The following STON2 variants were observed in gnomAD, a reference collection of about 807,000 sequenced individuals.
STON2 encodes stonin-2.
Under a neutral mutation model 65.7 loss-of-function variants are expected in STON2, and 29 were observed. The ratio of observed to expected loss-of-function variants is 0.44; its 90% CI spans 0.33 to 0.60. STON2 has a LOEUF of 0.60. Among genes scored for constraint, STON2 ranks in the 20% least tolerant of loss-of-function variants. The probability of loss-of-function intolerance (pLI) is 0.03; values close to 1 mark genes in which losing one functional copy is unlikely to be tolerated. For synonymous variants in STON2, 404 were observed against 414.2 expected (o/e 0.98, Z 0.30); for missense variants, 1,054 against 1,118.1 (o/e 0.94, Z 0.82).
At chr14:81,271,664 C>T (rs1376011064) in intron 6 of STON2, among the ~76,000 whole-genome samples, 1 of 152,178 alleles carries the variant, frequency 6.6e-6, no homozygotes, top group Non-Finnish European at 1.5e-5. Flanking sequence ...CCACTATACT[C>T]GTGATGGCAA....
intron 2 of STON2, among the ~76,000 whole-genome samples, chr14:81,407,276 C>A (rs1219263880): frequency 6.6e-6 from 1 of 152,146 alleles, no homozygotes; most frequent in South Asian, 2.1e-4. Context: ...CATCTAAATA[C>A]AGGTCATTTC....
intron 3 of STON2, among the ~76,000 whole-genome samples, chr14:81,390,193 CAAA>C (rs759154677): frequency 6.8e-5 from 6 of 88,322 alleles, no homozygotes; most frequent in Middle Eastern, 5.4e-3. Flanking sequence ...GACTCCATTT[CAAA>C]AAAAAAAAAA....
intron 5 of STON2, among the ~76,000 whole-genome samples, chr14:81,293,934 T>G (rs1895661320): frequency 6.6e-6 from 1 of 152,190 alleles, no homozygotes; most frequent in Admixed American, 6.5e-5. Flanking sequence ...TACTAAATTT[T>G]GAGGTGGTTG....
chr14:81,271,108 A>T (rs879383687), intron 6 of STON2, among the ~76,000 whole-genome samples: 37 of 152,110 alleles, frequency 2.4e-4, no homozygotes, highest in Non-Finnish European at 2.9e-5. Flanking sequence ...CTAGCAATAA[A>T]ACCCAAGGCC....
rs59359589 is a variant in STON2, at chr14:81,263,537, CA to C, written c.*4876del. The C allele has an allele frequency of 6.1e-3, 497 of 81,032 alleles. 1 individual carries two copies. Among genetic ancestry groups the C allele is most frequent in the Middle Eastern group, 0.018 (2 of 114 alleles). The allele number at this position is 81,032 out of a possible 1,614,324, so 5.0% of individuals were successfully genotyped here. On this transcript the variant is annotated 3_prime_UTR_variant, in exon 8 of 8. Coordinates refer to ENST00000614646, the MANE Select transcript of STON2 (RefSeq NM_001394390.1). Reference sequence around the variant, plus strand: ...TGGGTGACAGACTGAGACTCCGTCTCAAAAAAAAAAAAAAAAAAAAAAACAA... The same window carrying C: ...TGGGTGACAGACTGAGACTCCGTCTCAAAAAAAAAAAAAAAAAAAAAACAA...
intron 2 of STON2, among the ~76,000 whole-genome samples, chr14:81,396,797 G>A (rs895104296): frequency 6.6e-6 from 1 of 152,140 alleles, no homozygotes. Context: ...AGTGGCTCAT[G>A]CCTATAATCC....
At chr14:81,400,981 C>T (rs984892422), upstream of STON2, among the ~76,000 whole-genome samples, 4 of 152,206 alleles carry the variant, frequency 2.6e-5, no homozygotes, top group Non-Finnish European at 4.4e-5. Flanking sequence ...CAGCAGGTGA[C>T]CTTACAGAGG....
In STON2 at chr14:81,278,505, G is replaced by A; in HGVS notation, c.977C>T (p.Ser326Leu). Residue 326 changes from serine (S) to leucine (L), a missense_variant, in exon 6 of 8, where the codon TCA becomes TTA. By Grantham distance (145) the Ser-to-Leu change is moderately radical. Coordinates refer to ENST00000614646, the MANE Select transcript of STON2 (RefSeq NM_001394390.1). ...ASVIPDVPYN[S>L]MGSFKKRDRP... Reference sequence around the variant, plus strand: ...GTCCCTCTTCTTAAATGATCCCATTGAATTATAAGGTACATCTGGGATCAC... The same window carrying A: ...GTCCCTCTTCTTAAATGATCCCATTAAATTATAAGGTACATCTGGGATCAC... The A allele has an allele frequency of 6.2e-7, 1 of 1,614,182 alleles. No homozygotes were observed. Among genetic ancestry groups the A allele is most frequent in the East Asian group, 2.2e-5 (1 of 44,880 alleles).
intron 4 of STON2, among the ~76,000 whole-genome samples, chr14:81,339,662 G>C (rs376010535): frequency 6.6e-6 from 1 of 152,130 alleles, no homozygotes; most frequent in Non-Finnish European, 1.5e-5. Context: ...AAGAAGGCCA[G>C]GCTAAAGTTT....
chr14:81,349,123 G>C (rs79015630), intron 4 of STON2, among the ~76,000 whole-genome samples: 1 of 151,828 alleles, frequency 6.6e-6, no homozygotes, highest in African/African-American at 2.4e-5. Flanking sequence ...CCTAACACCC[G>C]AAACTACAAA....
chr14:81,419,092 G>A (rs1306721629), intron 2 of STON2, among the ~76,000 whole-genome samples: 2 of 151,742 alleles, frequency 1.3e-5, no homozygotes, highest in Non-Finnish European at 2.9e-5. Flanking sequence ...ACTATACTAG[G>A]ATTAACACTC....
chr14:81,334,670 C>G (rs1359011436), intron 4 of STON2, among the ~76,000 whole-genome samples: 3 of 152,130 alleles, frequency 2.0e-5, no homozygotes, highest in Non-Finnish European at 1.5e-5. Flanking sequence ...GCTGTTGTTA[C>G]TTCTCCAAGT....
intron 2 of STON2, among the ~76,000 whole-genome samples, chr14:81,419,653 C>T (rs1162873982): frequency 6.6e-5 from 10 of 152,214 alleles, no homozygotes; most frequent in Non-Finnish European, 1.5e-4. Context: ...TGCATCCACG[C>T]TCTAGAGACC....
upstream of STON2, among the ~76,000 whole-genome samples, chr14:81,403,444 C>T (rs1010879894): frequency 6.6e-6 from 1 of 152,182 alleles, no homozygotes; most frequent in African/African-American, 2.4e-5. Context: ...AAAATATTAT[C>T]TTTACATCCC....
At chr14:81,395,567 T>G in intron 3 of STON2, 1 of 234,286 alleles carries the variant, frequency 4.3e-6, no homozygotes, top group East Asian at 1.1e-4. Context: ...GTATGTAAGG[T>G]GCTTACAGTT....
rs907433683 is a variant in STON2 at position 81,398,397 on chromosome 14, G to A, written c.-15C>T. On this transcript the variant is annotated 5_prime_UTR_variant, in exon 2 of 8. Transcript: ENST00000614646. ...AAAGTCGTCATGCTAAAAAGGCACT[G>A]GTCATCTTCACACTGCTGACCTCAG... is the stretch of plus-strand genomic sequence containing the variant. 6.2e-7 allele frequency: 1 copy of A among 1,609,004 alleles called. No homozygotes were observed. Among genetic ancestry groups the A allele is most frequent in the African/African-American group, 1.3e-5 (1 of 74,824 alleles).
At chr14:81,298,902 A>C (rs1329966441) in intron 5 of STON2, among the ~76,000 whole-genome samples, 1 of 152,234 alleles carries the variant, frequency 6.6e-6, no homozygotes, top group Non-Finnish European at 1.5e-5. Flanking sequence ...TAGAATTTTA[A>C]AACTTTTTAA....
chr14:81,269,565 CAACA>C, intron 7 of STON2: 4 of 985,368 alleles, frequency 4.1e-6, no homozygotes, highest in Non-Finnish European at 4.8e-6. Flanking sequence ...ATTCAACACA[CAACA>C]GTCAGGTTTG....
At chr14:81,367,221 C>T (rs561659495) in intron 4 of STON2, among the ~76,000 whole-genome samples, 1 of 152,260 alleles carries the variant, frequency 6.6e-6, no homozygotes, top group South Asian at 2.1e-4. Flanking sequence ...CTCTGTCAGC[C>T]AGGCTGGAGT....
Sources: gnomAD v4.1 joint callset for allele counts (sites outside exome capture counted in the v4.1 genomes callset) on GRCh38, gnomAD v4.1.1 for gene constraint, MANE v1.5 for transcripts, NCBI Gene and HGNC (gene_info 2026-07-23, HGNC 2026-07-21) for gene names.